Variants in MYT1L observed in about 807,000 individuals in gnomAD.
MYT1L encodes myelin transcription factor 1-like protein.
A neutral mutation model predicts 126.7 loss-of-function variants in MYT1L; 12 were observed. The observed-to-expected ratio is 0.09, with a 90% confidence interval of 0.06 to 0.15. MYT1L has a LOEUF of 0.15. Among genes scored for constraint, MYT1L ranks in the 10% least tolerant of loss-of-function variants. The probability of loss-of-function intolerance (pLI) is 1.00; values close to 1 mark genes in which losing one functional copy is unlikely to be tolerated. For synonymous variants in MYT1L, 541 were observed against 604.2 expected (o/e 0.90, Z 1.53); for missense variants, 979 against 1,585.2 (o/e 0.62, Z 6.49).
intron 3 of MYT1L, among the ~76,000 whole-genome samples, chr2:2,103,106 C>T (rs73911353): frequency 0.012 from 1,897 of 152,162 alleles, 36 homozygotes; most frequent in African/African-American, 0.04. Flanking sequence ...CCTCCACATG[C>T]TTACATGTGC....
chr2:2,244,135 T>C (rs2094488142), intron 2 of MYT1L, among the ~76,000 whole-genome samples: 1 of 152,198 alleles, frequency 6.6e-6, no homozygotes, highest in East Asian at 1.9e-4. Context: ...TATCAAAAGA[T>C]TTTTACATAT....
intron 2 of MYT1L, among the ~76,000 whole-genome samples, chr2:2,192,626 G>T (rs1266685767): frequency 6.6e-6 from 1 of 152,046 alleles, no homozygotes; most frequent in Non-Finnish European, 1.5e-5. Flanking sequence ...CAAATGTCTG[G>T]CTGTTCATCT....
intron 20 of MYT1L, 61 bp downstream of exon 20, chr2:1,840,699 T>C (rs2041543825): frequency 1.6e-6 from 2 of 1,231,148 alleles, no homozygotes; most frequent in African/African-American, 3.1e-5. Flanking sequence ...TTGCTTTGCT[T>C]GAATGCCTCG....
At chr2:2,318,355 A>G (rs144054510) in intron 1 of MYT1L, among the ~76,000 whole-genome samples, 1 of 152,130 alleles carries the variant, frequency 6.6e-6, no homozygotes, top group Non-Finnish European at 1.5e-5. Context: ...TTGCCTTTCC[A>G]CTCTTACTAA....
At chr2:2,057,889 G>A (rs2069818292) in intron 3 of MYT1L, among the ~76,000 whole-genome samples, 1 of 152,192 alleles carries the variant, frequency 6.6e-6, no homozygotes, top group African/African-American at 2.4e-5. Context: ...CATGAATAAA[G>A]CTTCTGTAAA....
intron 3 of MYT1L, among the ~76,000 whole-genome samples, chr2:2,082,732 G>A (rs562729466): frequency 4.1e-4 from 62 of 152,228 alleles, no homozygotes; most frequent in East Asian, 2.9e-3. Context: ...TAAACCCTTC[G>A]GAAAACAAGG....
At chr2:2,137,985 A>C (rs2148117984) in intron 3 of MYT1L, among the ~76,000 whole-genome samples, 1 of 152,254 alleles carries the variant, frequency 6.6e-6, no homozygotes. Flanking sequence ...ACTCAAACAA[A>C]TTTACAAGAA....
intron 2 of MYT1L, among the ~76,000 whole-genome samples, chr2:2,272,415 T>G (rs564834440): frequency 1.3e-5 from 2 of 152,240 alleles, no homozygotes; most frequent in Admixed American, 6.5e-5. Context: ...GCCCAAGGGG[T>G]GGGTGTCTTC....
intron 3 of MYT1L, among the ~76,000 whole-genome samples, chr2:2,169,415 C>T (rs1268883023): frequency 6.6e-6 from 1 of 152,192 alleles, no homozygotes; most frequent in Non-Finnish European, 1.5e-5. Context: ...AACTAATACT[C>T]TGTGTTTTGG....
At chr2:1,854,721 G>A (rs2043688597) in intron 18 of MYT1L, among the ~76,000 whole-genome samples, 1 of 152,148 alleles carries the variant, frequency 6.6e-6, no homozygotes, top group East Asian at 1.9e-4. Flanking sequence ...CGGGTGGGGC[G>A]TTCATCCCAG....
intron 8 of MYT1L, among the ~76,000 whole-genome samples, chr2:1,976,173 T>C (rs906016034): frequency 6.7e-6 from 1 of 150,256 alleles, no homozygotes; most frequent in African/African-American, 2.5e-5. Flanking sequence ...AACGGAGGCT[T>C]CTACTCTTTT....
chr2:2,299,344 C>T (rs928196475), intron 1 of MYT1L, among the ~76,000 whole-genome samples: 1 of 152,212 alleles, frequency 6.6e-6, no homozygotes, highest in African/African-American at 2.4e-5. Context: ...GAGCCGCCAG[C>T]AGGGACCCAT....
chr2:2,048,714 C>T (rs996288384), intron 4 of MYT1L, among the ~76,000 whole-genome samples: 6 of 152,170 alleles, frequency 3.9e-5, no homozygotes, highest in African/African-American at 4.8e-5. Flanking sequence ...TCCCCCTAAG[C>T]GGTCCATGGT....
At chr2:1,958,191 G>A (rs751193060) in intron 8 of MYT1L, among the ~76,000 whole-genome samples, 26 of 152,320 alleles carry the variant, frequency 1.7e-4, no homozygotes, top group Middle Eastern at 3.4e-3. Flanking sequence ...AACTTGCTGA[G>A]GGAGCTGGAG....
chr2:2,317,788 C>T (rs1006184959), intron 1 of MYT1L, among the ~76,000 whole-genome samples: 1 of 152,092 alleles, frequency 6.6e-6, no homozygotes, highest in Non-Finnish European at 1.5e-5. Flanking sequence ...AGTAAAGTCT[C>T]TCTGACTCTT....
intron 19 of MYT1L, among the ~76,000 whole-genome samples, chr2:1,849,471 C>T (rs1333670229): frequency 6.6e-6 from 1 of 152,222 alleles, no homozygotes; most frequent in Non-Finnish European, 1.5e-5. Flanking sequence ...ACATCAATGT[C>T]ATAAGCCCTC....
At chr2:1,974,898 ATAGGCT>A (rs1483844162) in intron 8 of MYT1L, 2 of 152,228 alleles carry the variant, frequency 1.3e-5, no homozygotes, top group African/African-American at 4.8e-5. Flanking sequence ...GTAGTTGTAC[ATAGGCT>A]TATCAGTTAT....
At position 1,918,383 on chromosome 2, in the gene MYT1L, C is replaced by A. The variant is rs13012729; in HGVS notation, c.1484-1044G>T. Among the ~76,000 whole-genome samples, 60 of 152,142 alleles carry A rather than the reference C, an allele frequency of 3.9e-4. 2 individuals carry two copies. The South Asian group carries it at 4.2e-3, about 11-fold the overall frequency. The stretch of plus-strand genomic sequence containing the variant: ...AGTTGCTCAGATCACCAACAGATAG[C>A]GATTATTATTATTTAGTCCAGAAAT... On this transcript the variant is annotated intron_variant, in intron 10 of 24. Transcript: ENST00000647738.
rs2036704914 is a variant in MYT1L, at chr2:1,811,782, C to G, written c.3081-2615G>C. Among the ~76,000 whole-genome samples, 1 of 152,100 alleles carries G rather than the reference C, an allele frequency of 6.6e-6. No individual in the cohort carries two copies. Among genetic ancestry groups the G allele is most frequent in the Non-Finnish European group, 1.5e-5 (1 of 68,030 alleles). On this transcript the variant is annotated intron_variant, in intron 21 of 24. Transcript: ENST00000647738. The surrounding 1 kb of genome is among the most constrained non-coding windows in gnomAD (Gnocchi z 4.4). ...GGAGGGAACAGGCTCCTCTTCAGTC[C>G]TCCCTGATGGGGCCTGGGCAACAAC...
Sources: gnomAD v4.1 joint callset for allele counts (sites outside exome capture counted in the v4.1 genomes callset) on GRCh38, gnomAD v4.1.1 for gene constraint, Gnocchi (gnomAD v3.1) non-coding constraint, MANE v1.5 for transcripts, NCBI Gene and HGNC (gene_info 2026-07-23, HGNC 2026-07-21) for gene names.